TYW1: variants seen among roughly 807,000 people sequenced by gnomAD.
The protein encoded by TYW1 is tRNA-yW synthesizing protein 1 homolog.
TYW1 carries 46 observed loss-of-function variants against 96.2 expected under a neutral mutation model. The observed-to-expected ratio is 0.48, with a 90% CI of 0.38 to 0.61. The LOEUF is 0.61. TYW1 is among the 20% of genes least tolerant of loss of function. The pLI is 0.00. For synonymous variants in TYW1, 274 were observed against 323.0 expected (o/e 0.85, Z 1.63); for missense variants, 684 against 909.6 (o/e 0.75, Z 3.19).
intron 15 of TYW1, among the ~76,000 whole-genome samples, chr7:67,231,047 C>A (rs562262743): frequency 6.6e-6 from 1 of 152,028 alleles, no homozygotes; most frequent in African/African-American, 2.4e-5. Context: ...ATACACATAC[C>A]AGATTTTTAT....
chr7:67,185,000 C>T (rs563794386), intron 14 of TYW1, among the ~76,000 whole-genome samples: 8 of 152,038 alleles, frequency 5.3e-5, no homozygotes, highest in Non-Finnish European at 1.0e-4. Context: ...AGAACTACCG[C>T]GCCAGGCCTG....
At chr7:67,201,846 T>A (rs927813759) in intron 15 of TYW1, among the ~76,000 whole-genome samples, 16 of 152,194 alleles carry the variant, frequency 1.1e-4, no homozygotes, top group African/African-American at 3.6e-4. Context: ...GACCTGTAGG[T>A]CAAAAGAGAT....
intron 15 of TYW1, among the ~76,000 whole-genome samples, chr7:67,213,172 CT>C (rs35228024): frequency 0.31 from 46,152 of 147,748 alleles, 7,209 homozygotes; most frequent in Middle Eastern, 0.42. Flanking sequence ...ACGCCCGGCC[CT>C]TTTTTTTTTT....
At position 67,072,963 on chromosome 7, in the gene TYW1, T is replaced by TTTTTTG. The variant is rs1219374462; in HGVS notation, c.1274+5561_1274+5562insTTTTGT. Reference sequence around the variant, plus strand: ...TTTTTTTTTTTTTTTTTTTTTTTTTTTATAGAGACAGGGTCTTGCTATGTT... The same window carrying TTTTTTG: ...TTTTTTTTTTTTTTTTTTTTTTTTTTTTTTTGTATAGAGACAGGGTCTTGCTATGTT... On this transcript the variant is annotated intron_variant, in intron 10 of 15. Transcript: ENST00000359626. Among the ~76,000 whole-genome samples, 41 of 118,684 alleles carry TTTTTTG rather than the reference T, an allele frequency of 3.5e-4. 1 individual carries two copies. The highest frequency in any genetic ancestry group is 9.3e-4 in the African/African-American group (27 of 29,022). The allele number at this position is 118,684 out of a possible 152,430, so 77.9% of individuals were successfully genotyped here.
intron 14 of TYW1, among the ~76,000 whole-genome samples, chr7:67,189,513 C>G (rs1048708095): frequency 2.1e-5 from 3 of 144,744 alleles, no homozygotes; most frequent in African/African-American, 8.1e-5. Context: ...CTCCCATAGT[C>G]TGCACTTACT....
chr7:67,055,490 G>A (rs1161780164), intron 8 of TYW1, among the ~76,000 whole-genome samples: 1 of 151,680 alleles, frequency 6.6e-6, no homozygotes, highest in African/African-American at 2.4e-5. Context: ...TCCCAATTAC[G>A]CGGGAGTCTG....
At chr7:67,007,960 C>G (rs900336445) in intron 3 of TYW1, among the ~76,000 whole-genome samples, 1 of 152,088 alleles carries the variant, frequency 6.6e-6, no homozygotes, top group African/African-American at 2.4e-5. Flanking sequence ...TATACCAGTT[C>G]TCATGCTTAC....
intron 7 of TYW1, among the ~76,000 whole-genome samples, chr7:67,033,348 C>T (rs1190805411): frequency 6.6e-6 from 1 of 152,206 alleles, no homozygotes; most frequent in East Asian, 1.9e-4. Context: ...GGGGAACACT[C>T]CTGAGTTCTT....
intron 3 of TYW1, among the ~76,000 whole-genome samples, chr7:67,001,929 G>A (rs1793406572): frequency 6.6e-6 from 1 of 151,940 alleles, no homozygotes; most frequent in Non-Finnish European, 1.5e-5. Flanking sequence ...AGCTACTTGG[G>A]AAGCTGAGGC....
chr7:67,112,031 A>G (rs1797422287), intron 12 of TYW1, among the ~76,000 whole-genome samples: 1 of 143,992 alleles, frequency 6.9e-6, no homozygotes, highest in Middle Eastern at 3.8e-3. Flanking sequence ...CCTGGGAGGC[A>G]GAGGTTGCAG....
chr7:67,159,946 G>T (rs1015204905), intron 13 of TYW1, among the ~76,000 whole-genome samples: 1 of 150,674 alleles, frequency 6.6e-6, no homozygotes, highest in Non-Finnish European at 1.5e-5. Context: ...GACTACAGGC[G>T]CCCGCCACCA....
intron 13 of TYW1, among the ~76,000 whole-genome samples, chr7:67,118,892 A>G (rs867345680): frequency 0.033 from 4,892 of 147,874 alleles, 368 homozygotes; most frequent in African/African-American, 0.11. Context: ...AAAAAAAAAA[A>G]AAAAAAAAAA....
At chr7:67,174,356 A>G (rs980267804) in intron 13 of TYW1, among the ~76,000 whole-genome samples, 2 of 151,710 alleles carry the variant, frequency 1.3e-5, no homozygotes, top group Non-Finnish European at 2.9e-5. Context: ...CTTTCAAAAG[A>G]GCAACAATAG....
intron 10 of TYW1, among the ~76,000 whole-genome samples, chr7:67,076,568 C>T (rs1796214303): frequency 6.6e-6 from 1 of 151,948 alleles, no homozygotes; most frequent in South Asian, 2.1e-4. Flanking sequence ...CTCTGCCTCC[C>T]AGGTTCAAGC....
chr7:67,194,944 A>G (rs1800341137), intron 14 of TYW1, among the ~76,000 whole-genome samples: 1 of 145,578 alleles, frequency 6.9e-6, no homozygotes. Flanking sequence ...CTTAAGCCCC[A>G]GCAATGTCAT....
Position 67,145,370 on chromosome 7 carries a change from C to T in TYW1, c.1698+27752C>T, listed in dbSNP as rs986495663. Among the ~76,000 whole-genome samples, 9 of 152,054 alleles carry T rather than the reference C, an allele frequency of 5.9e-5. No individual in the cohort carries two copies. The East Asian group carries it at 7.8e-4, about 13-fold the overall frequency. On this transcript the variant is annotated intron_variant, in intron 13 of 15. Coordinates refer to ENST00000359626, the MANE Select transcript of TYW1 (RefSeq NM_018264.4). ...TTCACCGTGTTAGCCAGGATGGTCTCGATCTCCTGACCTCTTGATCCACCC... is the reference window on the plus strand; with the variant it reads ...TTCACCGTGTTAGCCAGGATGGTCTTGATCTCCTGACCTCTTGATCCACCC...
At chr7:67,015,879 CG>C (rs1794003422) in intron 5 of TYW1, among the ~76,000 whole-genome samples, 1 of 151,248 alleles carries the variant, frequency 6.6e-6, no homozygotes, top group African/African-American at 2.4e-5. Context: ...AGGAGAATGG[CG>C]TGTACTCGGG....
chr7:67,083,357 T>A (rs1796442023), intron 10 of TYW1, 73 bp from the exon 11 acceptor site: 1 of 1,456,272 alleles, frequency 6.9e-7, no homozygotes, highest in Non-Finnish European at 9.5e-7. Flanking sequence ...TAAAAATGGA[T>A]GACTTCATCA....
At chr7:67,019,468 G>T (rs1233589451) in intron 6 of TYW1, among the ~76,000 whole-genome samples, 2 of 152,222 alleles carry the variant, frequency 1.3e-5, no homozygotes, top group African/African-American at 4.8e-5. Flanking sequence ...AAAGTGCTGG[G>T]ATTACAGGCA....
Sources: gnomAD v4.1 joint callset for allele counts (sites outside exome capture counted in the v4.1 genomes callset) on GRCh38, gnomAD v4.1.1 for gene constraint, MANE v1.5 for transcripts, NCBI Gene and HGNC (gene_info 2026-07-23, HGNC 2026-07-21) for gene names.